Variants in TSPEAR observed in about 807,000 individuals in gnomAD.
TSPEAR encodes the protein thrombospondin type laminin G domain and EAR repeats, also known as thrombospondin-type laminin G domain and EAR repeat-containing protein.
A neutral mutation model predicts 71.6 loss-of-function variants in TSPEAR; 69 were observed. The observed-to-expected ratio is 0.96, with a 90% CI of 0.79 to 1.18. The LOEUF is 1.18. Among genes scored for constraint, TSPEAR ranks in the 50% most tolerant of loss-of-function variants. The pLI, the probability that TSPEAR is intolerant of heterozygous loss-of-function variation, is 0.00. For synonymous variants in TSPEAR, 402 were observed against 387.2 expected (o/e 1.04, Z -0.45); for missense variants, 971 against 894.9 (o/e 1.09, Z -1.09).
At chr21:44,553,664 G>C (rs1792651484) in intron 2 of TSPEAR, among the ~76,000 whole-genome samples, 1 of 152,124 alleles carries the variant, frequency 6.6e-6, no homozygotes, top group Non-Finnish European at 1.5e-5. Flanking sequence ...GGGCTGAATG[G>C]ACAGAGGTGT....
chr21:44,555,495 G>A (rs9979101), intron 2 of TSPEAR, among the ~76,000 whole-genome samples: 1,755 of 152,194 alleles, frequency 0.012, 28 homozygotes, highest in African/African-American at 0.038. Context: ...AGATGCAGAA[G>A]CCGTGTTCCC....
At position 44,499,501 on chromosome 21, in the gene TSPEAR, C is replaced by T. The variant is rs1444154944; in HGVS notation, c.*282G>A. The T allele has an allele frequency of 1.2e-5, 5 of 414,680 alleles. No individual in the cohort carries two copies. The highest frequency in any genetic ancestry group is 8.8e-5 in the Admixed American group (2 of 22,824). The allele number at this position is 414,680 out of a possible 1,614,324, so 25.7% of individuals were successfully genotyped here. On this transcript the variant is annotated 3_prime_UTR_variant, in exon 12 of 12. Coordinates refer to ENST00000323084, the MANE Select transcript of TSPEAR (RefSeq NM_144991.3). The stretch of plus-strand genomic sequence containing the variant: ...ATGTATAGAAACGGTTCCTTGACAG[C>T]GAAATCCCCGCTTGACACTCAGATG...
chr21:44,530,078 T>C, intron 4 of TSPEAR, 124 bp from the exon 5 acceptor site: 1 of 1,002,364 alleles, frequency 1.0e-6, no homozygotes, highest in Non-Finnish European at 1.4e-6. Context: ...ATCTAAGCTT[T>C]TGCAGAGCTA....
rs369113881 is a variant in TSPEAR at position 44,666,661 on chromosome 21, C to T, written c.82+44772G>A. 2.0e-5 allele frequency: 33 copies of T among 1,612,836 alleles called. No individual in the cohort carries two copies. The highest frequency in any genetic ancestry group is 1.6e-4 in the Middle Eastern group (1 of 6,084). ...ACAGAAGACTGGCAGCTCACGGGCA[C>T]GCACACAGCTGACTTGAAGCTCATG... is the stretch of plus-strand genomic sequence containing the variant. On this transcript the variant is annotated intron_variant, in intron 1 of 11. Transcript: ENST00000323084.
intron 1 of TSPEAR, among the ~76,000 whole-genome samples, chr21:44,705,019 CCT>C (rs1316486890): frequency 6.6e-6 from 1 of 152,220 alleles, no homozygotes; most frequent in Non-Finnish European, 1.5e-5. Flanking sequence ...CCCCTAACCC[CCT>C]GTTGCTGGAA....
At chr21:44,678,593 C>A (rs1051407493) in intron 1 of TSPEAR, among the ~76,000 whole-genome samples, 1 of 152,110 alleles carries the variant, frequency 6.6e-6, no homozygotes, top group Non-Finnish European at 1.5e-5. Context: ...GACTAATACA[C>A]CTATTCAACA....
chr21:44,514,170 G>A (rs1397885568), intron 9 of TSPEAR, among the ~76,000 whole-genome samples: 1 of 152,188 alleles, frequency 6.6e-6, no homozygotes, highest in Non-Finnish European at 1.5e-5. Context: ...GGGCAGTGCT[G>A]ACCCCTCATG....
At chr21:44,665,946 G>C (rs1457957365) in intron 1 of TSPEAR, among the ~76,000 whole-genome samples, 4 of 152,164 alleles carry the variant, frequency 2.6e-5, no homozygotes. Flanking sequence ...CAGCCAGTGG[G>C]GAAGCGAGAC....
intron 2 of TSPEAR, among the ~76,000 whole-genome samples, chr21:44,537,150 A>T (rs1365119987): frequency 6.6e-6 from 1 of 152,200 alleles, no homozygotes; most frequent in African/African-American, 2.4e-5. Flanking sequence ...ATAGTAGTTT[A>T]AAAAATACTG....
chr21:44,561,180 C>T (rs1035964997), intron 2 of TSPEAR, among the ~76,000 whole-genome samples: 11 of 152,120 alleles, frequency 7.2e-5, no homozygotes, highest in African/African-American at 9.7e-5. Context: ...AAAATACAAA[C>T]GGCCATCAGA....
chr21:44,596,417 G>A (rs1555927612), intron 1 of TSPEAR, among the ~76,000 whole-genome samples: 1 of 152,238 alleles, frequency 6.6e-6, no homozygotes, highest in Non-Finnish European at 1.5e-5. Flanking sequence ...CCACTAGGAG[G>A]TGAGGGACAT....
intron 1 of TSPEAR, among the ~76,000 whole-genome samples, chr21:44,681,372 G>A (rs544412838): frequency 2.0e-5 from 3 of 152,316 alleles, no homozygotes; most frequent in East Asian, 1.9e-4. Context: ...GTAAGTCACC[G>A]CTGTGGCCAC....
intron 2 of TSPEAR, among the ~76,000 whole-genome samples, chr21:44,535,470 G>A (rs770613924): frequency 1.1e-4 from 17 of 152,346 alleles, no homozygotes; most frequent in Middle Eastern, 3.4e-3. Context: ...AGTCACGTAC[G>A]GCCAGAGCCT....
At chr21:44,648,210 G>T (rs1191059746) in intron 1 of TSPEAR, among the ~76,000 whole-genome samples, 1 of 152,182 alleles carries the variant, frequency 6.6e-6, no homozygotes, top group Non-Finnish European at 1.5e-5. Flanking sequence ...AGAGCAAAAA[G>T]ACACCTTATC....
At chr21:44,700,529 G>C (rs1034877817) in intron 1 of TSPEAR, among the ~76,000 whole-genome samples, 2 of 152,204 alleles carry the variant, frequency 1.3e-5, no homozygotes, top group Non-Finnish European at 2.9e-5. Flanking sequence ...TGGAGGCCCC[G>C]GGGGTGCCGC....
At chr21:44,594,454 A>G (rs1555927387) in intron 1 of TSPEAR, among the ~76,000 whole-genome samples, 1 of 152,194 alleles carries the variant, frequency 6.6e-6, no homozygotes, top group African/African-American at 2.4e-5. Context: ...GTGCCCGCCC[A>G]TCAGACACCA....
At chr21:44,559,478 C>G (rs587676974) in intron 2 of TSPEAR, among the ~76,000 whole-genome samples, 1 of 152,152 alleles carries the variant, frequency 6.6e-6, no homozygotes, top group Non-Finnish European at 1.5e-5. Flanking sequence ...GGCCTTCCCC[C>G]GGTGGTGTGC....
chr21:44,646,150 AAAAAG>A lies in TSPEAR; in HGVS notation c.82+65278_82+65282del, dbSNP rs1369934591. ...AAAAAAAAAAAAAAAAAAAAAAAAA[AAAAAG>A]GAAATATTTTCCACCACATTTCTGT... On this transcript the variant is annotated intron_variant, in intron 1 of 11. Coordinates refer to ENST00000323084, the MANE Select transcript of TSPEAR (RefSeq NM_144991.3). 2.1e-4 allele frequency among the ~76,000 whole-genome samples: 31 copies of A among 145,284 alleles called. 1 individual carries two copies. The East Asian group carries it at 4.9e-3, about 23-fold the overall frequency.
intron 1 of TSPEAR, among the ~76,000 whole-genome samples, chr21:44,621,577 C>T (rs1194506620): frequency 1.3e-5 from 2 of 152,234 alleles, no homozygotes; most frequent in Non-Finnish European, 2.9e-5. Context: ...CCCTGGGCAG[C>T]ACATATCATT....
Sources: gnomAD v4.1 joint callset for allele counts (sites outside exome capture counted in the v4.1 genomes callset) on GRCh38, gnomAD v4.1.1 for gene constraint, MANE v1.5 for transcripts, NCBI Gene and HGNC (gene_info 2026-07-23, HGNC 2026-07-21) for gene names.